Variants in DLGAP4 observed in about 807,000 individuals in gnomAD.
DLGAP4 encodes the protein disks large-associated protein 4.
Under a neutral mutation model 86.9 loss-of-function variants are expected in DLGAP4, and 18 were observed. The observed-to-expected ratio is 0.21, with a 90% CI of 0.14 to 0.31. The LOEUF (loss-of-function observed/expected upper bound fraction) is 0.31. DLGAP4 is among the 10% of genes least tolerant of loss of function. DLGAP4 has a pLI of 1.00. For missense variants in DLGAP4, 1,085 were observed against 1,362.6 expected (o/e 0.80, Z 3.21); for synonymous variants, 548 against 574.3 (o/e 0.95, Z 0.65).
intron 2 of DLGAP4, among the ~76,000 whole-genome samples, chr20:36,402,634 G>A (rs1243263913): frequency 6.6e-6 from 1 of 152,140 alleles, no homozygotes; most frequent in Non-Finnish European, 1.5e-5. Context: ...AGTAGTCCCA[G>A]CTACTTGGGA....
chr20:36,371,414 T>C (rs565916269), intron 2 of DLGAP4, among the ~76,000 whole-genome samples: 1 of 152,328 alleles, frequency 6.6e-6, no homozygotes, highest in Non-Finnish European at 1.5e-5. Context: ...AGAGACTCCA[T>C]TGGTGCAGTG....
intron 2 of DLGAP4, among the ~76,000 whole-genome samples, chr20:36,429,152 T>C (rs1465729089): frequency 6.6e-6 from 1 of 152,188 alleles, no homozygotes; most frequent in Non-Finnish European, 1.5e-5. Flanking sequence ...CAATCTCGGC[T>C]CACTGCAACC....
At chr20:36,519,554 A>G (rs1346371044) in intron 10 of DLGAP4, among the ~76,000 whole-genome samples, 1 of 152,168 alleles carries the variant, frequency 6.6e-6, no homozygotes, top group Non-Finnish European at 1.5e-5. Context: ...TGCTATAAAT[A>G]TTGGCGTACA....
chr20:36,513,195 G>C (rs910584110), intron 10 of DLGAP4, among the ~76,000 whole-genome samples: 9 of 151,416 alleles, frequency 5.9e-5, no homozygotes, highest in Non-Finnish European at 1.3e-4. Flanking sequence ...TTAAAGGCTT[G>C]GTTTTACTCC....
chr20:36,489,653 AGAG>A (rs535518769), intron 7 of DLGAP4, among the ~76,000 whole-genome samples: 195 of 151,956 alleles, frequency 1.3e-3, no homozygotes, highest in African/African-American at 4.5e-3. Context: ...AAGAGGGACA[AGAG>A]GTCGGAAGGC....
intron 2 of DLGAP4, among the ~76,000 whole-genome samples, chr20:36,418,740 G>T (rs1012655032): frequency 1.3e-5 from 2 of 152,178 alleles, no homozygotes; most frequent in African/African-American, 4.8e-5. Flanking sequence ...ACTTCTCATG[G>T]TTGTCTTCAA....
intron 10 of DLGAP4, chr20:36,511,020 G>A (rs1045442160): frequency 1.3e-5 from 2 of 152,294 alleles, no homozygotes; most frequent in African/African-American, 2.4e-5. Flanking sequence ...GAAAAATTCT[G>A]TTGGGATGAA....
At chr20:36,463,421 TG>T (rs141503534) in intron 7 of DLGAP4, among the ~76,000 whole-genome samples, 3,069 of 152,284 alleles carry the variant, frequency 0.02, 121 homozygotes, top group African/African-American at 0.07. Context: ...AACAGCTGGC[TG>T]GCTCCTGCCA....
At chr20:36,486,799 G>A (rs1040159712) in intron 7 of DLGAP4, among the ~76,000 whole-genome samples, 4 of 151,698 alleles carry the variant, frequency 2.6e-5, no homozygotes, top group Non-Finnish European at 4.4e-5. Context: ...TTTAGTAGAG[G>A]CGGGGTTTCA....
At chr20:36,449,686 C>T (rs2033685997) in intron 7 of DLGAP4, among the ~76,000 whole-genome samples, 1 of 152,188 alleles carries the variant, frequency 6.6e-6, no homozygotes, top group South Asian at 2.1e-4. Flanking sequence ...ATAGACAGCA[C>T]CCCTAGCAAT....
intron 1 of DLGAP4, among the ~76,000 whole-genome samples, chr20:36,317,280 CTT>C (rs2065115308): frequency 7.4e-4 from 4 of 5,428 alleles, no homozygotes; most frequent in Admixed American, 2.3e-3. Flanking sequence ...TCTTTCTTAT[CTT>C]TCTTTCTTTC....
chr20:36,477,187 C>CT (rs1187901308), intron 7 of DLGAP4, among the ~76,000 whole-genome samples: 1 of 151,778 alleles, frequency 6.6e-6, no homozygotes, highest in East Asian at 1.9e-4. Context: ...ACCTCGCCTC[C>CT]TAGGTCCAAG....
chr20:36,421,319 G>A (rs1600507920), intron 2 of DLGAP4, among the ~76,000 whole-genome samples: 2 of 151,876 alleles, frequency 1.3e-5, no homozygotes, highest in Admixed American at 6.6e-5. Context: ...TTGGCTGGGC[G>A]TGGTGACGTG....
At chr20:36,390,205 A>G (rs1003578890) in intron 2 of DLGAP4, among the ~76,000 whole-genome samples, 7 of 152,232 alleles carry the variant, frequency 4.6e-5, no homozygotes, top group African/African-American at 1.7e-4. Flanking sequence ...GGAGATGACA[A>G]TGGAGGTCCT....
intron 7 of DLGAP4, among the ~76,000 whole-genome samples, chr20:36,466,364 T>G (rs1330880333): frequency 6.6e-6 from 1 of 152,144 alleles, no homozygotes; most frequent in African/African-American, 2.4e-5. Flanking sequence ...ATCATCAGCT[T>G]TGTTTTGTGT....
At chr20:36,313,885 G>C (rs1180880205) in intron 1 of DLGAP4, among the ~76,000 whole-genome samples, 1 of 152,190 alleles carries the variant, frequency 6.6e-6, no homozygotes, top group Non-Finnish European at 1.5e-5. Context: ...CTGGGTCTCA[G>C]TTACCCCATC....
At chr20:36,488,469 A>G (rs1302787555) in intron 7 of DLGAP4, among the ~76,000 whole-genome samples, 2 of 152,190 alleles carry the variant, frequency 1.3e-5, no homozygotes, top group African/African-American at 4.8e-5. Context: ...AGTGAATGCT[A>G]AACCATTGCT....
intron 7 of DLGAP4, among the ~76,000 whole-genome samples, chr20:36,450,224 G>T (rs186771391): frequency 1.3e-5 from 2 of 152,178 alleles, no homozygotes; most frequent in African/African-American, 4.8e-5. Flanking sequence ...CTGGGTGGGC[G>T]CAGTGGCTCA....
intron 2 of DLGAP4, among the ~76,000 whole-genome samples, chr20:36,379,461 G>A (rs952992844): frequency 6.6e-6 from 1 of 152,216 alleles, no homozygotes; most frequent in Admixed American, 6.5e-5. Context: ...ATCTCACAGG[G>A]TCAGGCTCTG....
Sources: gnomAD v4.1 joint callset for allele counts (sites outside exome capture counted in the v4.1 genomes callset) on GRCh38, gnomAD v4.1.1 for gene constraint, MANE v1.5 for transcripts, NCBI Gene and HGNC (gene_info 2026-07-23, HGNC 2026-07-21) for gene names.